Variants in CNOT4 observed in about 807,000 individuals in gnomAD.
CNOT4 encodes CCR4-NOT transcription complex subunit 4.
In CNOT4, 8 loss-of-function variants were observed where a neutral mutation model predicts 73.8. The ratio of observed to expected loss-of-function variants is 0.11; its 90% CI spans 0.06 to 0.20. The LOEUF (loss-of-function observed/expected upper bound fraction) is 0.20, where lower values mean the gene tolerates loss of function less well. Among genes scored for constraint, CNOT4 ranks in the 10% least tolerant of loss-of-function variants. The probability of loss-of-function intolerance (pLI) is 1.00; values close to 1 mark genes in which losing one functional copy is unlikely to be tolerated. For synonymous variants in CNOT4, 293 were observed against 321.1 expected, an observed-to-expected ratio of 0.91 and a Z score of 0.94; for missense variants, 564 against 883.4, an observed-to-expected ratio of 0.64 and a Z score of 4.58.
intron 10 of CNOT4, among the ~76,000 whole-genome samples, chr7:135,372,626 G>C (rs1795280719): frequency 6.7e-6 from 1 of 149,142 alleles, no homozygotes; most frequent in African/African-American, 2.5e-5. Flanking sequence ...GTGCGACCTC[G>C]GCTCACTGCA....
intron 1 of CNOT4, among the ~76,000 whole-genome samples, chr7:135,469,463 C>T (rs988740709): frequency 4.6e-5 from 7 of 152,148 alleles, no homozygotes; most frequent in Non-Finnish European, 8.8e-5. Context: ...CTGGATCTTC[C>T]TCCTTCAGCT....
intron 3 of CNOT4, among the ~76,000 whole-genome samples, chr7:135,418,174 G>A (rs948249365): frequency 3.9e-5 from 6 of 152,142 alleles, no homozygotes; most frequent in African/African-American, 1.2e-4. Flanking sequence ...AATGGCAAGC[G>A]GTTGATAAGA....
chr7:135,363,909 G>A lies in CNOT4; in HGVS notation c.1785C>T (p.Thr595=), dbSNP rs749528170. 112 of 1,598,408 alleles carry A rather than the reference G, an allele frequency of 7.0e-5. No homozygotes were observed. The highest frequency in any genetic ancestry group is 1.3e-4 in the Admixed American group (8 of 59,994). The change falls in exon 11 of 12, where the codon ACC becomes ACT. Residue 595 remains threonine (T), a synonymous_variant. Transcript: ENST00000541284. This position sits in a 1 kb window ranked among gnomAD's most constrained non-coding sequence, Gnocchi z 4.3. ...HSAPTSNTAT[T]DSLSWDSPGS... is the part of the protein sequence containing the mutation. ...CAGGGCTGTCCCAACTCAGGCTGTC[G>A]GTGGTGGCAGTGTTGGACGTTGGTG... is the stretch of plus-strand genomic sequence containing the variant.
intron 1 of CNOT4, among the ~76,000 whole-genome samples, chr7:135,488,298 C>A (rs370163094): frequency 5.3e-5 from 8 of 152,194 alleles, no homozygotes; most frequent in African/African-American, 1.9e-4. Flanking sequence ...AGTGGTACGA[C>A]TGGTACTGAA....
chr7:135,436,629 T>C lies in CNOT4; in HGVS notation c.174+1529A>G, dbSNP rs200717467. ...ACTATATTAACTACATGAAATATTATATATATACAAATTATATATACACAT... is the reference window on the plus strand; with the variant it reads ...ACTATATTAACTACATGAAATATTACATATATACAAATTATATATACACAT... On this transcript the variant is annotated intron_variant, in intron 2 of 11. Transcript: ENST00000541284. Among the ~76,000 whole-genome samples, 53 of 151,020 alleles carry C rather than the reference T, an allele frequency of 3.5e-4. 1 individual carries two copies. Among genetic ancestry groups the C allele is most frequent in the African/African-American group, 1.2e-3 (49 of 41,358 alleles).
chr7:135,444,883 A>G, intron 1 of CNOT4: 1 of 1,597,060 alleles, frequency 6.3e-7, no homozygotes. Flanking sequence ...TATTTCAACT[A>G]TCACGATGTG....
chr7:135,440,997 T>A (rs935694560), intron 1 of CNOT4, among the ~76,000 whole-genome samples: 2 of 152,148 alleles, frequency 1.3e-5, no homozygotes, highest in Non-Finnish European at 2.9e-5. Flanking sequence ...AAATATGATA[T>A]AACATAAGGT....
intron 10 of CNOT4, among the ~76,000 whole-genome samples, chr7:135,381,208 G>C (rs754913483): frequency 6.6e-6 from 1 of 152,198 alleles, no homozygotes; most frequent in Non-Finnish European, 1.5e-5. Context: ...AAAATGACAT[G>C]AGACATCTTC....
chr7:135,504,930 A>G (rs899161014), intron 1 of CNOT4, among the ~76,000 whole-genome samples: 2 of 152,092 alleles, frequency 1.3e-5, no homozygotes, highest in African/African-American at 4.8e-5. Flanking sequence ...GCCCGGTCAC[A>G]TCTACTATTT....
intron 7 of CNOT4, among the ~76,000 whole-genome samples, chr7:135,405,698 C>T (rs1017403965): frequency 1.9e-4 from 29 of 152,114 alleles, no homozygotes; most frequent in African/African-American, 6.8e-4. Context: ...ATTTTCTGCT[C>T]ACTAGGTGAA....
intron 3 of CNOT4, among the ~76,000 whole-genome samples, chr7:135,420,040 A>G (rs1798093688): frequency 0.019 from 2 of 104 alleles, no homozygotes; most frequent in East Asian, 0.25. Flanking sequence ...CAAAAAACAA[A>G]CAACAACAAA....
At chr7:135,412,603 A>G (rs1000200938) in intron 6 of CNOT4, among the ~76,000 whole-genome samples, 1 of 151,916 alleles carries the variant, frequency 6.6e-6, no homozygotes, top group African/African-American at 2.4e-5. Context: ...TATTTATTAT[A>G]ATGGGATTTA....
chr7:135,443,763 T>C (rs1357488809), intron 1 of CNOT4, among the ~76,000 whole-genome samples: 3 of 152,140 alleles, frequency 2.0e-5, no homozygotes, highest in Non-Finnish European at 4.4e-5. Context: ...AATCATACAG[T>C]CAAAATTATG....
chr7:135,496,389 G>A (rs544988156), intron 1 of CNOT4, among the ~76,000 whole-genome samples: 2 of 152,202 alleles, frequency 1.3e-5, no homozygotes, highest in African/African-American at 4.8e-5. Flanking sequence ...CACTGTGCCA[G>A]GCCAACTGAA....
At chr7:135,491,629 G>A (rs1803117916) in intron 1 of CNOT4, among the ~76,000 whole-genome samples, 2 of 152,180 alleles carry the variant, frequency 1.3e-5, no homozygotes, top group Admixed American at 6.5e-5. Context: ...GAGAGAACAT[G>A]AGAAAGAAAT....
chr7:135,451,014 A>C (rs1346984923), intron 1 of CNOT4, among the ~76,000 whole-genome samples: 5 of 152,182 alleles, frequency 3.3e-5, no homozygotes, highest in Non-Finnish European at 7.3e-5. Flanking sequence ...CATGAATGGT[A>C]AAATTTCAAG....
chr7:135,412,113 T>C (rs1797617733), intron 6 of CNOT4, among the ~76,000 whole-genome samples: 1 of 151,968 alleles, frequency 6.6e-6, no homozygotes, highest in Non-Finnish European at 1.5e-5. Context: ...ATTTACATTT[T>C]TAAAACATGA....
intron 1 of CNOT4, among the ~76,000 whole-genome samples, chr7:135,479,675 A>G (rs1007321253): frequency 6.6e-6 from 1 of 152,108 alleles, no homozygotes; most frequent in Non-Finnish European, 1.5e-5. Flanking sequence ...AGGCAGGAGG[A>G]TGGCTTGAGT....
At position 135,479,781 on chromosome 7, in the gene CNOT4, T is replaced by C. The variant is rs528198329; in HGVS notation, c.-93+30108A>G. Reference sequence around the variant, plus strand: ...GCGTGGTACCTGTGGTCCCAGCTACTCGAGAGGCTGAGGCAGGAGGATTGC... The same window carrying C: ...GCGTGGTACCTGTGGTCCCAGCTACCCGAGAGGCTGAGGCAGGAGGATTGC... On this transcript the variant is annotated intron_variant, in intron 1 of 11. Coordinates refer to ENST00000541284, the MANE Select transcript of CNOT4 (RefSeq NM_001190850.2). 2.6e-5 allele frequency among the ~76,000 whole-genome samples: 4 copies of C among 152,012 alleles called. No homozygotes were observed. The East Asian group carries it at 7.8e-4, about 30-fold the overall frequency.
Sources: gnomAD v4.1 joint callset for allele counts (sites outside exome capture counted in the v4.1 genomes callset) on GRCh38, gnomAD v4.1.1 for gene constraint, Gnocchi (gnomAD v3.1) non-coding constraint, MANE v1.5 for transcripts, NCBI Gene and HGNC (gene_info 2026-07-23, HGNC 2026-07-21) for gene names.